Variants in ARFGEF1 observed in about 807,000 individuals in gnomAD.
ARFGEF1 encodes the protein brefeldin A-inhibited guanine nucleotide-exchange protein 1.
Under a neutral mutation model 231.0 loss-of-function variants are expected in ARFGEF1, and 42 were observed. The observed-to-expected ratio is 0.18, with a 90% confidence interval of 0.14 to 0.24. The LOEUF is 0.24. Ranked by LOEUF, ARFGEF1 falls within the 10% of genes least tolerant of loss-of-function variation. The pLI is 1.00. For missense variants in ARFGEF1, 1,345 were observed against 2,192.0 expected (o/e 0.61, Z 7.72); for synonymous variants, 710 against 732.3 (o/e 0.97, Z 0.49).
intron 6 of ARFGEF1, among the ~76,000 whole-genome samples, chr8:67,289,475 G>A (rs994314406): frequency 3.8e-4 from 55 of 145,900 alleles, no homozygotes; most frequent in African/African-American, 1.2e-3. Context: ...GATCGCTTGC[G>A]CCTGGGAGGC....
At chr8:67,214,266 A>C (rs1249276235) in intron 33 of ARFGEF1, among the ~76,000 whole-genome samples, 1 of 152,212 alleles carries the variant, frequency 6.6e-6, no homozygotes. Flanking sequence ...AGAACATGAT[A>C]TTAGATACTG....
intron 9 of ARFGEF1, among the ~76,000 whole-genome samples, chr8:67,275,227 T>C (rs1805262381): frequency 1.6e-5 from 2 of 128,728 alleles, no homozygotes. Context: ...ATTGTCATAT[T>C]GCAATACATC....
intron 10 of ARFGEF1, among the ~76,000 whole-genome samples, chr8:67,269,463 C>CT (rs1804984704): frequency 6.6e-6 from 1 of 151,320 alleles, no homozygotes; most frequent in Admixed American, 6.6e-5. Flanking sequence ...AGCGATTGTC[C>CT]TGCCTCTGCT....
intron 1 of ARFGEF1, among the ~76,000 whole-genome samples, chr8:67,330,280 T>C (rs1446257285): frequency 6.6e-6 from 1 of 152,128 alleles, no homozygotes; most frequent in Non-Finnish European, 1.5e-5. Flanking sequence ...GGTAGCCATA[T>C]ATACAAGTTT....
intron 29 of ARFGEF1, among the ~76,000 whole-genome samples, chr8:67,220,452 G>A (rs1220710348): frequency 6.6e-6 from 1 of 152,150 alleles, no homozygotes; most frequent in Non-Finnish European, 1.5e-5. Flanking sequence ...ATCCCCAAAC[G>A]TAGTAGATGG....
intron 15 of ARFGEF1, 26 bp from the exon 16 acceptor site, chr8:67,258,316 T>G (rs777132357): frequency 6.8e-7 from 1 of 1,472,254 alleles, no homozygotes; most frequent in African/African-American, 1.4e-5. Context: ...AGATAGAAAT[T>G]GATATTTTCT....
chr8:67,227,150 G>A lies in ARFGEF1; in HGVS notation c.3903C>T (p.Thr1301=), dbSNP rs775059815. ...GAGAATACTCACTGACAATGTGCCC[G>A]GTTGTTTGGAATGCAAGTTCCACTA... ...ESIVELAFQT[T]GHIVTLVFEK... The change falls in exon 27 of 39, where the codon ACC becomes ACT. Residue 1301 remains threonine, a synonymous_variant. Transcript: ENST00000262215. 1.6e-5 allele frequency: 25 copies of A among 1,611,504 alleles called. No homozygotes were observed. The highest frequency in any genetic ancestry group is 9.4e-5 in the African/African-American group (7 of 74,650).
intron 5 of ARFGEF1, among the ~76,000 whole-genome samples, chr8:67,296,129 TC>T (rs1389287859): frequency 6.6e-6 from 1 of 152,218 alleles, no homozygotes; most frequent in Non-Finnish European, 1.5e-5. Flanking sequence ...TACATTACAC[TC>T]TACTAAGTTT....
chr8:67,272,401 C>T (rs911080150), intron 9 of ARFGEF1, among the ~76,000 whole-genome samples: 1 of 151,922 alleles, frequency 6.6e-6, no homozygotes, highest in Non-Finnish European at 1.5e-5. Flanking sequence ...CTCCTGACCT[C>T]GTGATCCACC....
Position 67,227,945 on chromosome 8 carries a change from C to A in ARFGEF1, c.3591+18G>T, listed in dbSNP as rs1464060675. On this transcript the variant is annotated intron_variant, in intron 25 of 38. Coordinates refer to ENST00000262215, the MANE Select transcript of ARFGEF1 (RefSeq NM_006421.5). ...AATATACTACAAATGTAAACAAACA[C>A]CATAGTTATTCAAATACCTTATTAA... The A allele has an allele frequency of 1.3e-6, 2 of 1,533,204 alleles. No individual in the cohort carries two copies. The highest frequency in any genetic ancestry group is 1.4e-5 in the African/African-American group (1 of 71,070). The allele number at this position is 1,533,204 out of a possible 1,614,324, so 95.0% of individuals were successfully genotyped here.
chr8:67,199,695 G>A (rs1838253285), intron 38 of ARFGEF1: 1 of 153,092 alleles, frequency 6.5e-6, no homozygotes, highest in Non-Finnish European at 1.4e-5. Flanking sequence ...AAAGCCAGCT[G>A]TGGAGTAACA....
At chr8:67,244,337 G>GCAGGTTCAATTCTCCTGCCTCAGCATTCA (rs1461134944) in intron 19 of ARFGEF1, among the ~76,000 whole-genome samples, 2 of 122,246 alleles carry the variant, frequency 1.6e-5, no homozygotes, top group African/African-American at 6.5e-5. Flanking sequence ...TTTTTTTGAG[G>GCAGGTTCAATTCTCCTGCCTCAGCATTCA]ATCTCACTCT....
At chr8:67,333,108 T>C (rs1012357197) in intron 1 of ARFGEF1, among the ~76,000 whole-genome samples, 1 of 151,514 alleles carries the variant, frequency 6.6e-6, no homozygotes, top group Non-Finnish European at 1.5e-5. Context: ...CAATCTCAGC[T>C]TACTGCAACC....
intron 1 of ARFGEF1, among the ~76,000 whole-genome samples, chr8:67,326,701 T>C (rs1180878297): frequency 6.6e-6 from 1 of 152,196 alleles, no homozygotes; most frequent in African/African-American, 2.4e-5. Flanking sequence ...TTAAGCAAAA[T>C]TATGTATAAC....
chr8:67,205,898 T>A (rs537439272), intron 34 of ARFGEF1, among the ~76,000 whole-genome samples: 118 of 148,644 alleles, frequency 7.9e-4, no homozygotes, highest in Middle Eastern at 6.9e-3. Flanking sequence ...ATAAATAAAA[T>A]TAAAATAAAA....
chr8:67,193,733 G>A (rs1837074977), downstream of ARFGEF1: 2 of 685,612 alleles, frequency 2.9e-6, no homozygotes, highest in Non-Finnish European at 4.6e-6. Context: ...TATGGCCCAA[G>A]ACATAGTAAC....
At chr8:67,324,833 T>C (rs932862495) in intron 1 of ARFGEF1, among the ~76,000 whole-genome samples, 6 of 151,922 alleles carry the variant, frequency 3.9e-5, no homozygotes, top group Non-Finnish European at 5.9e-5. Context: ...TTTAATCCCA[T>C]GGTAAAACTG....
At chr8:67,338,471 T>C (rs1808450553) in intron 1 of ARFGEF1, among the ~76,000 whole-genome samples, 1 of 152,240 alleles carries the variant, frequency 6.6e-6, no homozygotes, top group Admixed American at 6.5e-5. Flanking sequence ...AGCAGGTGTC[T>C]TTCTTGGAGG....
chr8:67,300,596 G>A (rs925749678), intron 3 of ARFGEF1, among the ~76,000 whole-genome samples: 7 of 148,366 alleles, frequency 4.7e-5, no homozygotes, highest in African/African-American at 1.7e-4. Flanking sequence ...AGACGGGCAG[G>A]CAGATCACTT....
Sources: gnomAD v4.1 joint callset for allele counts (sites outside exome capture counted in the v4.1 genomes callset) on GRCh38, gnomAD v4.1.1 for gene constraint, MANE v1.5 for transcripts, NCBI Gene and HGNC (gene_info 2026-07-23, HGNC 2026-07-21) for gene names.